The following TACC2 variants were observed in gnomAD, a reference collection of about 807,000 sequenced individuals.
The protein encoded by TACC2 is transforming acidic coiled-coil containing protein 2, also known as transforming acidic coiled-coil-containing protein 2.
TACC2 carries 137 observed loss-of-function variants against 227.3 expected under a neutral mutation model. The ratio of observed to expected loss-of-function variants is 0.60; its 90% CI spans 0.52 to 0.69. TACC2 has a LOEUF of 0.69. TACC2 is among the 30% of genes least tolerant of loss of function. The pLI, the probability that TACC2 is intolerant of heterozygous loss-of-function variation, is 0.00. For missense variants in TACC2, 3,470 were observed against 3,694.4 expected (o/e 0.94, Z 1.57); for synonymous variants, 1,523 against 1,487.5 (o/e 1.02, Z -0.55).
At chr10:122,021,839 C>A in intron 1 of TACC2, 98 bp from the exon 2 acceptor site, 1 of 683,786 alleles carries the variant, frequency 1.5e-6, no homozygotes, top group Non-Finnish European at 2.6e-6. Flanking sequence ...TAAACATTTC[C>A]CATCATCTGG....
intron 3 of TACC2, among the ~76,000 whole-genome samples, chr10:122,082,363 A>T (rs2079608397): frequency 6.6e-6 from 1 of 152,208 alleles, no homozygotes; most frequent in African/African-American, 2.4e-5. Flanking sequence ...ACTACTATAA[A>T]TGAGTTGCCA....
At chr10:122,046,227 C>T (rs2074974519) in intron 2 of TACC2, among the ~76,000 whole-genome samples, 1 of 151,876 alleles carries the variant, frequency 6.6e-6, no homozygotes, top group Non-Finnish European at 1.5e-5. Flanking sequence ...GTAATCCCAG[C>T]ACTTTGGGAG....
chr10:122,228,028 C>A lies in TACC2; in HGVS notation c.7896+20C>A, dbSNP rs1391155018. The A allele has an allele frequency of 6.2e-7, 1 of 1,607,622 alleles. No homozygotes were observed. Among genetic ancestry groups the A allele is most frequent in the Non-Finnish European group, 8.5e-7 (1 of 1,176,578 alleles). On this transcript the variant is annotated intron_variant, in intron 14 of 22. Coordinates refer to ENST00000369005, the MANE Select transcript of TACC2 (RefSeq NM_206862.4). The stretch of plus-strand genomic sequence containing the variant: ...GAAATTGTAAGTGGAGTTGGAGGGC[C>A]CCAGATCACAGGGGATGAGGTGTGG...
chr10:122,084,954 A>G lies in TACC2; in HGVS notation c.2454A>G (p.Ala818=), dbSNP rs763636597. ...CPGEGWIRGA[A]SEWPLLSSEK... ...GGGAAGGCTGGATAAGAGGAGCTGC[A>G]TCCGAGTGGCCCCTACTATCTTCTG... The change falls in exon 4 of 23, where the codon GCA becomes GCG. Residue 818 remains alanine, a synonymous_variant. Coordinates refer to ENST00000369005, the MANE Select transcript of TACC2 (RefSeq NM_206862.4). 5 of 1,614,096 alleles carry G rather than the reference A, an allele frequency of 3.1e-6. 1 individual carries two copies. The Admixed American group carries it at 8.3e-5, about 27-fold the overall frequency.
chr10:122,225,289 G>C (rs958547469), intron 12 of TACC2, among the ~76,000 whole-genome samples: 1 of 152,182 alleles, frequency 6.6e-6, no homozygotes, highest in Non-Finnish European at 1.5e-5. Flanking sequence ...CGATGCCCTC[G>C]GAGACGTGTG....
At chr10:122,098,928 C>T (rs2081812235) in intron 5 of TACC2, among the ~76,000 whole-genome samples, 2 of 152,130 alleles carry the variant, frequency 1.3e-5, no homozygotes, top group Non-Finnish European at 2.9e-5. Flanking sequence ...CCATCTGGCA[C>T]CCGTGGGGAA....
Position 122,083,306 on chromosome 10 carries a change from C to T in TACC2, c.806C>T (p.Ser269Phe). The change falls in exon 4 of 23, where the codon TCC becomes TTC. Residue 269 changes from serine to phenylalanine, a missense_variant. Transcript: ENST00000369005. ...GTESSAVLEKSPLKPMAPIPQ... is the reference protein window; with the variant it reads ...GTESSAVLEKFPLKPMAPIPQ... ...GAAAGCTCAGCGGTCTTGGAGAAGTCCCCCCTAAAACCCATGGCCCCGATC... is the reference window on the plus strand; with the variant it reads ...GAAAGCTCAGCGGTCTTGGAGAAGTTCCCCCTAAAACCCATGGCCCCGATC... 3 of 1,613,956 alleles carry T rather than the reference C, an allele frequency of 1.9e-6. No homozygotes were observed. Among genetic ancestry groups the T allele is most frequent in the Non-Finnish European group, 2.5e-6 (3 of 1,180,006 alleles).
intron 7 of TACC2, among the ~76,000 whole-genome samples, chr10:122,172,853 G>A (rs150338554): frequency 1.3e-5 from 2 of 152,264 alleles, no homozygotes; most frequent in African/African-American, 4.8e-5. Context: ...GTGAGGGGCA[G>A]GCTGTCCCTT....
In TACC2 at chr10:122,146,839, C is replaced by T. The variant is rs2091436275; in HGVS notation, c.5834+3133C>T. Among the ~76,000 whole-genome samples, 6 of 152,240 alleles carry T rather than the reference C, an allele frequency of 3.9e-5. No homozygotes were observed. The South Asian group carries it at 1.2e-3, about 32-fold the overall frequency. ...GGATCCCATCCAGGAAACCACATTT[C>T]CATTTTGTTTCTGTAGGTGCCTCTT... On this transcript the variant is annotated intron_variant, in intron 7 of 22. Transcript: ENST00000369005.
chr10:122,040,518 T>G (rs2074122501), intron 2 of TACC2, among the ~76,000 whole-genome samples: 2 of 152,078 alleles, frequency 1.3e-5, no homozygotes, highest in Non-Finnish European at 2.9e-5. Flanking sequence ...AGCTCCAAGC[T>G]CCAAGCATGT....
intron 7 of TACC2, among the ~76,000 whole-genome samples, chr10:122,159,681 C>T (rs1017669207): frequency 6.6e-6 from 1 of 152,188 alleles, no homozygotes; most frequent in East Asian, 1.9e-4. Context: ...CCTCCCTCTG[C>T]TCGCCACCAT....
intron 7 of TACC2, among the ~76,000 whole-genome samples, chr10:122,144,634 G>A (rs570386538): frequency 2.6e-5 from 4 of 152,264 alleles, no homozygotes; most frequent in Admixed American, 6.5e-5. Flanking sequence ...CCAGAGTGTC[G>A]GGAAGTAGTA....
At chr10:122,059,068 TG>T (rs1565180699) in intron 3 of TACC2, among the ~76,000 whole-genome samples, 4 of 136,610 alleles carry the variant, frequency 2.9e-5, no homozygotes, top group East Asian at 2.2e-4. Context: ...AATTTGTTGT[TG>T]TTGTTGTTGT....
At chr10:122,238,884 A>G (rs1171946537) in intron 18 of TACC2, among the ~76,000 whole-genome samples, 2 of 152,218 alleles carry the variant, frequency 1.3e-5, no homozygotes, top group Non-Finnish European at 2.9e-5. Flanking sequence ...TCTGTGGACA[A>G]ACATTTAGGA....
chr10:122,152,230 C>T (rs2139517634), intron 7 of TACC2, among the ~76,000 whole-genome samples: 1 of 152,298 alleles, frequency 6.6e-6, no homozygotes, highest in South Asian at 2.1e-4. Flanking sequence ...CATTTCCTGG[C>T]TTTGCAGAAA....
intron 2 of TACC2, among the ~76,000 whole-genome samples, chr10:122,047,288 C>CA (rs371181114): frequency 0.018 from 1,090 of 60,880 alleles, 227 homozygotes; most frequent in South Asian, 0.03. Context: ...GACTCCGTCT[C>CA]AAAAAAAAAA....
At position 121,998,185 on chromosome 10, in the gene TACC2, G is replaced by A. The variant is rs191236725; in HGVS notation, c.-46+8697G>A. 1.9e-3 allele frequency among the ~76,000 whole-genome samples: 294 copies of A among 152,062 alleles called. 2 individuals carry two copies. Among genetic ancestry groups the A allele is most frequent in the Non-Finnish European group, 3.4e-3 (232 of 67,978 alleles). ...AAATTAGCTGGGTGTGGTGGCAGGC[G>A]CCTGTAGTCCCAGCTACTCGGGAGG... On this transcript the variant is annotated intron_variant, in intron 1 of 22. Coordinates refer to ENST00000369005, the MANE Select transcript of TACC2 (RefSeq NM_206862.4).
intron 11 of TACC2, among the ~76,000 whole-genome samples, chr10:122,223,899 G>C (rs1242132722): frequency 6.6e-6 from 1 of 152,136 alleles, no homozygotes; most frequent in Non-Finnish European, 1.5e-5. Context: ...TGTGGCTTCT[G>C]TGAAGACAGA....
Position 122,087,246 on chromosome 10 carries a change from T to C in TACC2, c.4746T>C (p.His1582=), listed in dbSNP as rs1380859050. 5 of 1,613,590 alleles carry C rather than the reference T, an allele frequency of 3.1e-6. No individual in the cohort carries two copies. Among genetic ancestry groups the C allele is most frequent in the Non-Finnish European group, 4.2e-6 (5 of 1,180,024 alleles). ...ERAAAFQVAP[H]SHGEEAVAQD... ...CTGCTGCCTTCCAGGTGGCTCCCCA[T>C]AGCCATGGAGAAGAGGCCGTGGCCC... Residue 1582 remains histidine, a synonymous_variant, in exon 4 of 23, where the codon CAT becomes CAC. Transcript: ENST00000369005.
Sources: allele counts gnomAD v4.1 joint callset (sites outside exome capture counted in the v4.1 genomes callset), GRCh38; gene constraint gnomAD v4.1.1; transcripts MANE v1.5; gene names NCBI Gene and HGNC (gene_info 2026-07-23, HGNC 2026-07-21).